Variants in GBE1 observed in about 807,000 individuals in gnomAD.
GBE1 encodes 1,4-alpha-glucan branching enzyme 1, also known as 1,4-alpha-glucan-branching enzyme.
In GBE1, 70 loss-of-function variants were observed where a neutral mutation model predicts 88.8. The ratio of observed to expected loss-of-function variants is 0.79; its 90% CI spans 0.65 to 0.96. GBE1 has a LOEUF of 0.96. Ranked by LOEUF, GBE1 falls within the 40% of genes least tolerant of loss-of-function variation. GBE1 has a pLI of 0.00. For synonymous variants in GBE1, 284 were observed against 300.1 expected (o/e 0.95, Z 0.56); for missense variants, 872 against 871.0 (o/e 1.00, Z -0.01).
At chr3:81,640,827 AC>A (rs1704667691) in intron 7 of GBE1, among the ~76,000 whole-genome samples, 1 of 152,062 alleles carries the variant, frequency 6.6e-6, no homozygotes, top group South Asian at 2.1e-4. Context: ...CAGAAAAAAA[AC>A]AAATAAAATG....
At chr3:81,671,961 G>C (rs184877667) in intron 2 of GBE1, among the ~76,000 whole-genome samples, 1 of 151,836 alleles carries the variant, frequency 6.6e-6, no homozygotes. Context: ...AAGTCAATGA[G>C]ACAAAGAAAA....
At chr3:81,643,105 A>C in intron 6 of GBE1, 115 bp from the exon 7 acceptor site, 1 of 702,374 alleles carries the variant, frequency 1.4e-6, no homozygotes. Context: ...TCCAAACAGC[A>C]TGTGACATGA....
At chr3:81,600,820 A>G (rs1164711938) in intron 7 of GBE1, among the ~76,000 whole-genome samples, 1 of 152,150 alleles carries the variant, frequency 6.6e-6, no homozygotes, top group Non-Finnish European at 1.5e-5. Flanking sequence ...AGAGGAGATG[A>G]ACTGGGAAAA....
chr3:81,668,448 G>C (rs1221588071), intron 3 of GBE1, among the ~76,000 whole-genome samples: 1 of 152,188 alleles, frequency 6.6e-6, no homozygotes, highest in Admixed American at 6.5e-5. Context: ...GGGTGAGCCA[G>C]TAATAAAAGT....
rs985304010 is a variant in GBE1 at position 81,541,512 on chromosome 3, T to G, written c.1619-4417A>C. ...ATATTAACTCTTAATGTGGTGGTAT[T>G]TAGGTGATGGGGCTTTGGGAGGTGA... On this transcript the variant is annotated intron_variant, in intron 12 of 15. Coordinates refer to ENST00000429644, the MANE Select transcript of GBE1 (RefSeq NM_000158.4). 5.3e-5 allele frequency among the ~76,000 whole-genome samples: 8 copies of G among 151,416 alleles called. No individual in the cohort carries two copies. The East Asian group carries it at 1.2e-3, about 22-fold the overall frequency.
At chr3:81,495,116 T>C (rs974552827) in intron 15 of GBE1, among the ~76,000 whole-genome samples, 1 of 152,172 alleles carries the variant, frequency 6.6e-6, no homozygotes, top group Non-Finnish European at 1.5e-5. Context: ...GGGTCGGGCA[T>C]AGTGGCTCAC....
chr3:81,524,301 T>C lies in GBE1; in HGVS notation c.1934+10894A>G, dbSNP rs376044954. 1.5e-4 allele frequency among the ~76,000 whole-genome samples: 23 copies of C among 151,920 alleles called. No homozygotes were observed. In the East Asian group the frequency reaches 1.8e-3, roughly 12 times the overall value. ...TTGTCATTTGTATGTCTTCTTGAGATGTATATTCAGATCTTCTGCCCATTT... is the reference window on the plus strand; with the variant it reads ...TTGTCATTTGTATGTCTTCTTGAGACGTATATTCAGATCTTCTGCCCATTT... On this transcript the variant is annotated intron_variant, in intron 14 of 15. Transcript: ENST00000429644.
chr3:81,705,351 G>A (rs933000744), intron 2 of GBE1, 93 bp downstream of exon 2: 1 of 941,430 alleles, frequency 1.1e-6, no homozygotes, highest in Non-Finnish European at 1.5e-6. Flanking sequence ...AATCATTAAA[G>A]TTCATATGGT....
chr3:81,670,119 C>T (rs1362521130), intron 3 of GBE1, among the ~76,000 whole-genome samples: 1 of 152,110 alleles, frequency 6.6e-6, no homozygotes, highest in Non-Finnish European at 1.5e-5. Flanking sequence ...AGATTTAGAT[C>T]GCTTCTCTTA....
intron 12 of GBE1, among the ~76,000 whole-genome samples, chr3:81,541,311 C>T (rs1489696087): frequency 6.6e-6 from 1 of 151,714 alleles, no homozygotes; most frequent in Non-Finnish European, 1.5e-5. Flanking sequence ...CACACCCACC[C>T]CACGATACAG....
chr3:81,587,569 C>CATTA (rs1302786381), intron 9 of GBE1, among the ~76,000 whole-genome samples: 1 of 152,158 alleles, frequency 6.6e-6, no homozygotes, highest in African/African-American at 2.4e-5. Flanking sequence ...AACAATTACA[C>CATTA]ATTAAGCATT....
rs201522139 is a variant in GBE1 at position 81,749,462 on chromosome 3, G to C, written c.143+11913C>G. ...TGGTTGCCAAAAGTTAGGGATGGGT[G>C]GGGGAGGGGCAATGTGAGTATAAAG... is the stretch of plus-strand genomic sequence containing the variant. On this transcript the variant is annotated intron_variant, in intron 1 of 15. Coordinates refer to ENST00000429644, the MANE Select transcript of GBE1 (RefSeq NM_000158.4). 1.2e-4 allele frequency among the ~76,000 whole-genome samples: 19 copies of C among 152,292 alleles called. No homozygotes were observed. In the East Asian group the frequency reaches 3.7e-3, roughly 29 times the overall value.
intron 1 of GBE1, among the ~76,000 whole-genome samples, chr3:81,735,647 T>A (rs1189063634): frequency 6.6e-6 from 1 of 152,218 alleles, no homozygotes; most frequent in Non-Finnish European, 1.5e-5. Flanking sequence ...CCAGGACCCA[T>A]TTTTATTAAT....
intron 14 of GBE1, among the ~76,000 whole-genome samples, chr3:81,528,158 A>G (rs942218769): frequency 1.4e-5 from 2 of 141,860 alleles, no homozygotes; most frequent in Admixed American, 7.1e-5. Flanking sequence ...ACAGGTGGGA[A>G]TTGAACAATG....
chr3:81,594,891 A>T (rs185160750), intron 7 of GBE1, among the ~76,000 whole-genome samples: 81 of 152,002 alleles, frequency 5.3e-4, no homozygotes, highest in Admixed American at 7.2e-4. Context: ...TAAGACTTTA[A>T]TACCTCATTT....
intron 2 of GBE1, among the ~76,000 whole-genome samples, chr3:81,688,723 T>A (rs915083936): frequency 6.6e-6 from 1 of 151,980 alleles, no homozygotes; most frequent in Non-Finnish European, 1.5e-5. Flanking sequence ...TAGACCAAGA[T>A]TTAAAAGCAA....
At chr3:81,616,610 T>C (rs1704251788) in intron 7 of GBE1, among the ~76,000 whole-genome samples, 1 of 152,070 alleles carries the variant, frequency 6.6e-6, no homozygotes, top group South Asian at 2.1e-4. Context: ...TATATAAGAG[T>C]AAAAATTGGG....
At chr3:81,593,870 G>T in intron 8 of GBE1, 38 bp downstream of exon 8, 1 of 1,008,304 alleles carries the variant, frequency 9.9e-7, no homozygotes, top group Non-Finnish European at 1.5e-6. Context: ...TGCAGCTTCT[G>T]CAATTAACCC....
chr3:81,691,742 C>A (rs578049670), intron 2 of GBE1, among the ~76,000 whole-genome samples: 1 of 152,216 alleles, frequency 6.6e-6, no homozygotes, highest in African/African-American at 2.4e-5. Context: ...TCATGTACAC[C>A]TTCCTAGGTG....
Sources: allele counts gnomAD v4.1 joint callset (sites outside exome capture counted in the v4.1 genomes callset), GRCh38; gene constraint gnomAD v4.1.1; transcripts MANE v1.5; gene names NCBI Gene and HGNC (gene_info 2026-07-23, HGNC 2026-07-21).